Variants in CNTNAP2 observed in about 807,000 individuals in gnomAD.
CNTNAP2 encodes contactin-associated protein-like 2.
Under a neutral mutation model 155.2 loss-of-function variants are expected in CNTNAP2, and 98 were observed. That is an observed-to-expected ratio of 0.63 (90% CI 0.54 to 0.75). The LOEUF (loss-of-function observed/expected upper bound fraction) is 0.75. CNTNAP2 is among the 30% of genes least tolerant of loss of function. The pLI, the probability that CNTNAP2 is intolerant of heterozygous loss-of-function variation, is 0.00. For synonymous variants in CNTNAP2, 651 were observed against 631.2 expected (o/e 1.03, Z -0.47); for missense variants, 1,727 against 1,688.1 (o/e 1.02, Z -0.40).
At chr7:146,821,408 T>G (rs953922325) in intron 2 of CNTNAP2, among the ~76,000 whole-genome samples, 1 of 152,102 alleles carries the variant, frequency 6.6e-6, no homozygotes, top group Non-Finnish European at 1.5e-5. Context: ...GTATTTTATT[T>G]CTCCTTCACT....
At chr7:147,856,112 C>T (rs1038133688) in intron 13 of CNTNAP2, among the ~76,000 whole-genome samples, 8 of 152,182 alleles carry the variant, frequency 5.3e-5, no homozygotes, top group East Asian at 1.9e-4. Flanking sequence ...GCTAACCCAA[C>T]GCAGAAACAG....
intron 13 of CNTNAP2, among the ~76,000 whole-genome samples, chr7:147,740,575 AG>A (rs938867649): frequency 2.6e-5 from 4 of 152,244 alleles, no homozygotes; most frequent in African/African-American, 9.6e-5. Context: ...GTTAAGGTTC[AG>A]TTAGTCCAAG....
intron 1 of CNTNAP2, among the ~76,000 whole-genome samples, chr7:146,290,221 C>T (rs1800407186): frequency 1.3e-5 from 2 of 152,062 alleles, no homozygotes; most frequent in Non-Finnish European, 2.9e-5. Flanking sequence ...CATCCCCAGG[C>T]CTGGGTAATT....
chr7:148,237,124 T>C lies in CNTNAP2; in HGVS notation c.3381+7345T>C, dbSNP rs1796055074. ...TGCCACCTTACCACAAAGCCAATGC[T>C]ACATGTGTTAGGTTTCTGTTATAGC... On this transcript the variant is annotated intron_variant, in intron 20 of 23. Transcript: ENST00000361727. Among the ~76,000 whole-genome samples, 5 of 152,244 alleles carry C rather than the reference T, an allele frequency of 3.3e-5. No homozygotes were observed. The South Asian group carries it at 1.0e-3, about 32-fold the overall frequency.
At chr7:146,185,116 C>T (rs560612500) in intron 1 of CNTNAP2, among the ~76,000 whole-genome samples, 29 of 152,110 alleles carry the variant, frequency 1.9e-4, no homozygotes, top group Non-Finnish European at 3.4e-4. Context: ...AATCCATAAA[C>T]ATTCTATAAA....
At chr7:146,878,290 C>A (rs954885820) in intron 3 of CNTNAP2, among the ~76,000 whole-genome samples, 1 of 152,062 alleles carries the variant, frequency 6.6e-6, no homozygotes, top group East Asian at 1.9e-4. Flanking sequence ...CAGTGGCAAA[C>A]CCTGGGAGGA....
rs1230210362 is a variant in CNTNAP2 at position 146,720,939 on chromosome 7, TTCTC to T, written c.98-53330_98-53327del. On this transcript the variant is annotated intron_variant, in intron 1 of 23. Transcript: ENST00000361727. Reference sequence around the variant, plus strand: ...TCTCTATATATTCTATATATATACTTTCTCTATATATTCTATATATATACAGTAT... The same window carrying T: ...TCTCTATATATTCTATATATATACTTTATATATTCTATATATATACAGTAT... Among the ~76,000 whole-genome samples the T allele has an allele frequency of 6.7e-4, 92 of 137,330 alleles. 2 individuals carry two copies. Among genetic ancestry groups the T allele is most frequent in the Admixed American group, 2.1e-3 (29 of 13,718 alleles). The allele number at this position is 137,330 out of a possible 152,430, so 90.1% of individuals were successfully genotyped here.
chr7:146,913,193 G>T (rs143428087), intron 3 of CNTNAP2, among the ~76,000 whole-genome samples: 1 of 152,108 alleles, frequency 6.6e-6, no homozygotes, highest in Non-Finnish European at 1.5e-5. Flanking sequence ...AGCGCATAGG[G>T]AATATGTAGG....
At chr7:146,464,489 T>C (rs1796687705) in intron 1 of CNTNAP2, among the ~76,000 whole-genome samples, 1 of 152,132 alleles carries the variant, frequency 6.6e-6, no homozygotes, top group Non-Finnish European at 1.5e-5. Context: ...CATAAGCTAA[T>C]TAACAGTAAT....
intron 1 of CNTNAP2, among the ~76,000 whole-genome samples, chr7:146,270,824 T>A (rs1025630700): frequency 2.0e-5 from 3 of 152,076 alleles, no homozygotes; most frequent in African/African-American, 7.2e-5. Flanking sequence ...TAACACAAAT[T>A]TAACTTTTTA....
At chr7:146,283,752 A>G (rs1035522915) in intron 1 of CNTNAP2, among the ~76,000 whole-genome samples, 1 of 152,210 alleles carries the variant, frequency 6.6e-6, no homozygotes, top group Admixed American at 6.5e-5. Flanking sequence ...ATGGATAGAC[A>G]CTGGTGTTTC....
intron 1 of CNTNAP2, among the ~76,000 whole-genome samples, chr7:146,210,623 G>A (rs1467944588): frequency 1.3e-5 from 2 of 152,098 alleles, no homozygotes; most frequent in Non-Finnish European, 2.9e-5. Flanking sequence ...TGTTAATATA[G>A]TTTTCCACCA....
chr7:146,767,380 T>C (rs541286016), intron 1 of CNTNAP2, among the ~76,000 whole-genome samples: 1 of 151,876 alleles, frequency 6.6e-6, no homozygotes, highest in African/African-American at 2.4e-5. Context: ...AAGACCAGAT[T>C]GTAAATGTTT....
chr7:148,102,153 C>T (rs1455975270), intron 15 of CNTNAP2, among the ~76,000 whole-genome samples: 1 of 152,096 alleles, frequency 6.6e-6, no homozygotes, highest in Non-Finnish European at 1.5e-5. Context: ...CAAGTAGGCC[C>T]CTGGGTCTGT....
intron 1 of CNTNAP2, among the ~76,000 whole-genome samples, chr7:146,640,493 C>G (rs538930646): frequency 1.3e-5 from 2 of 152,270 alleles, no homozygotes; most frequent in South Asian, 4.2e-4. Context: ...TTTTTCCTTG[C>G]AATGTGTAGA....
intron 14 of CNTNAP2, among the ~76,000 whole-genome samples, chr7:147,922,980 A>C (rs1019614770): frequency 6.6e-6 from 1 of 152,180 alleles, no homozygotes; most frequent in African/African-American, 2.4e-5. Context: ...TCCAGCAAGC[A>C]TCAGCTAGAC....
chr7:146,211,114 G>C (rs1018787358), intron 1 of CNTNAP2, among the ~76,000 whole-genome samples: 5 of 152,084 alleles, frequency 3.3e-5, no homozygotes, highest in African/African-American at 1.2e-4. Flanking sequence ...CAACTCTAGG[G>C]CCCTTTGCAC....
intron 21 of CNTNAP2, among the ~76,000 whole-genome samples, chr7:148,363,867 C>T (rs1020102732): frequency 2.0e-5 from 3 of 149,128 alleles, no homozygotes; most frequent in Admixed American, 6.6e-5. Context: ...GCTGGAGTTC[C>T]GGGTGGGCGT....
rs1423706769 is a variant in CNTNAP2 at position 147,312,785 on chromosome 7, G to A, written c.1498+12495G>A. On this transcript the variant is annotated intron_variant, in intron 9 of 23. Transcript: ENST00000361727. ...CCTTTGGGTATCTACCCAGTAATAG[G>A]ATGGCTGGGTCAAATTGTATTTCTA... is the stretch of plus-strand genomic sequence containing the variant. Among the ~76,000 whole-genome samples the A allele has an allele frequency of 6.7e-5, 8 of 119,658 alleles. 1 individual carries two copies. In the East Asian group the frequency reaches 3.4e-3, roughly 51 times the overall value. The allele number at this position is 119,658 out of a possible 152,430, so 78.5% of individuals were successfully genotyped here.
Sources: gnomAD v4.1 joint callset for allele counts (sites outside exome capture counted in the v4.1 genomes callset) on GRCh38, gnomAD v4.1.1 for gene constraint, MANE v1.5 for transcripts, NCBI Gene and HGNC (gene_info 2026-07-23, HGNC 2026-07-21) for gene names.